The following KIAA1217 variants were observed in gnomAD, a reference collection of about 807,000 sequenced individuals.
KIAA1217 encodes the protein KIAA1217.
KIAA1217 carries 88 observed loss-of-function variants against 163.9 expected under a neutral mutation model. That is an observed-to-expected ratio of 0.54 (90% CI 0.45 to 0.64). The LOEUF is 0.64. Ranked by LOEUF, KIAA1217 falls within the 30% of genes least tolerant of loss-of-function variation. The pLI, the probability that KIAA1217 is intolerant of heterozygous loss-of-function variation, is 0.00. For missense variants in KIAA1217, 2,372 were observed against 2,475.0 expected (o/e 0.96, Z 0.88); for synonymous variants, 903 against 923.1 (o/e 0.98, Z 0.39).
chr10:23,784,107 G>A (rs1211545741), intron 1 of KIAA1217, among the ~76,000 whole-genome samples: 1 of 151,816 alleles, frequency 6.6e-6, no homozygotes, highest in Non-Finnish European at 1.5e-5. Context: ...TAATATTTAG[G>A]TGCTCTGGGG....
At chr10:23,898,384 GA>G (rs1841801499) in intron 1 of KIAA1217, among the ~76,000 whole-genome samples, 1 of 151,322 alleles carries the variant, frequency 6.6e-6, no homozygotes, top group African/African-American at 2.4e-5. Context: ...ACACCCAATT[GA>G]AAGGTTAGAA....
intron 2 of KIAA1217, among the ~76,000 whole-genome samples, chr10:24,168,494 G>T (rs2065463800): frequency 6.6e-6 from 1 of 152,240 alleles, no homozygotes; most frequent in Admixed American, 6.5e-5. Flanking sequence ...GGAGACCTTT[G>T]TGAGACAGTG....
intron 2 of KIAA1217, among the ~76,000 whole-genome samples, chr10:24,351,742 G>A (rs1232787455): frequency 6.6e-6 from 1 of 152,196 alleles, no homozygotes; most frequent in Admixed American, 6.5e-5. Context: ...TGGGGCTGCT[G>A]TTGGATCTCT....
chr10:24,516,370 G>A (rs1219912883), intron 10 of KIAA1217, among the ~76,000 whole-genome samples: 1 of 152,204 alleles, frequency 6.6e-6, no homozygotes, highest in African/African-American at 2.4e-5. Context: ...TCACATACCT[G>A]CTTGATGCCT....
At chr10:24,271,496 A>C (rs1407944334) in intron 2 of KIAA1217, among the ~76,000 whole-genome samples, 1 of 152,178 alleles carries the variant, frequency 6.6e-6, no homozygotes, top group Non-Finnish European at 1.5e-5. Context: ...CACACCTGTA[A>C]TTCTAGCACT....
intron 1 of KIAA1217, among the ~76,000 whole-genome samples, chr10:23,806,468 C>T (rs535282103): frequency 5.3e-5 from 8 of 152,268 alleles, no homozygotes; most frequent in African/African-American, 1.2e-4. Flanking sequence ...AATGACTACA[C>T]GTCCCTTTAC....
intron 1 of KIAA1217, among the ~76,000 whole-genome samples, chr10:23,751,302 A>G (rs1839725666): frequency 6.6e-6 from 1 of 152,164 alleles, no homozygotes; most frequent in Non-Finnish European, 1.5e-5. Flanking sequence ...TGCTGGGATT[A>G]CAGGTGTGAG....
At chr10:23,963,755 C>G (rs756688926) in intron 1 of KIAA1217, among the ~76,000 whole-genome samples, 1 of 152,186 alleles carries the variant, frequency 6.6e-6, no homozygotes, top group African/African-American at 2.4e-5. Context: ...GTTCCTATTT[C>G]TCCGCATCCT....
At chr10:23,965,294 G>A (rs1379609849) in intron 1 of KIAA1217, among the ~76,000 whole-genome samples, 1 of 152,250 alleles carries the variant, frequency 6.6e-6, no homozygotes, top group Admixed American at 6.5e-5. Context: ...AGCGTGACCT[G>A]CAGATCCCAA....
At chr10:23,811,368 G>T (rs1447270777) in intron 1 of KIAA1217, among the ~76,000 whole-genome samples, 1 of 149,580 alleles carries the variant, frequency 6.7e-6, no homozygotes, top group East Asian at 1.9e-4. Flanking sequence ...TCCAAATTTT[G>T]GGGGGCAAGA....
At chr10:24,254,551 C>T (rs955060183) in intron 2 of KIAA1217, among the ~76,000 whole-genome samples, 2 of 152,122 alleles carry the variant, frequency 1.3e-5, no homozygotes, top group African/African-American at 4.8e-5. Flanking sequence ...ATGTTACAGC[C>T]CTGCCTTTCT....
At chr10:24,207,018 A>G (rs151291093), upstream of KIAA1217, among the ~76,000 whole-genome samples, 214 of 152,238 alleles carry the variant, frequency 1.4e-3, 1 homozygote, top group African/African-American at 4.7e-3. Context: ...GCATCTGCCA[A>G]TGGATCTTTT....
chr10:23,916,477 T>G (rs1403798469), intron 1 of KIAA1217, among the ~76,000 whole-genome samples: 1 of 152,184 alleles, frequency 6.6e-6, no homozygotes, highest in African/African-American at 2.4e-5. Context: ...CTTCTTCAAC[T>G]AGAGGTAGTG....
At chr10:23,868,980 T>C (rs181415214) in intron 1 of KIAA1217, among the ~76,000 whole-genome samples, 1 of 152,268 alleles carries the variant, frequency 6.6e-6, no homozygotes, top group East Asian at 1.9e-4. Flanking sequence ...GTCTTGTCAT[T>C]GGAATTAAAG....
chr10:24,306,419 C>T (rs1019735938), intron 2 of KIAA1217, among the ~76,000 whole-genome samples: 4 of 152,126 alleles, frequency 2.6e-5, no homozygotes, highest in African/African-American at 9.7e-5. Context: ...ATAAGAAACC[C>T]AACAGGCTAC....
At chr10:23,966,165 AT>A (rs1845058717) in intron 1 of KIAA1217, among the ~76,000 whole-genome samples, 1 of 152,006 alleles carries the variant, frequency 6.6e-6, no homozygotes, top group Non-Finnish European at 1.5e-5. Context: ...CCATCTGGAG[AT>A]TCTTAATTTT....
intron 5 of KIAA1217, among the ~76,000 whole-genome samples, chr10:24,450,306 A>C (rs2061287675): frequency 6.6e-6 from 1 of 152,228 alleles, no homozygotes; most frequent in Admixed American, 6.5e-5. Context: ...GGTCTTGAAA[A>C]AATTTTAAAG....
chr10:24,522,870 G>A (rs1423982538), intron 12 of KIAA1217, among the ~76,000 whole-genome samples: 1 of 152,186 alleles, frequency 6.6e-6, no homozygotes, highest in Non-Finnish European at 1.5e-5. Flanking sequence ...AGCTACTTGG[G>A]AGGCTGAGGG....
intron 2 of KIAA1217, among the ~76,000 whole-genome samples, chr10:24,018,768 G>A (rs972373863): frequency 2.0e-5 from 3 of 151,994 alleles, no homozygotes; most frequent in African/African-American, 7.2e-5. Flanking sequence ...CATGTTTATT[G>A]CAGCACTATT....
Sources: gnomAD v4.1 joint callset for allele counts (sites outside exome capture counted in the v4.1 genomes callset) on GRCh38, gnomAD v4.1.1 for gene constraint, MANE v1.5 for transcripts, NCBI Gene and HGNC (gene_info 2026-07-23, HGNC 2026-07-21) for gene names.